Variants in MIDEAS observed in about 807,000 individuals in gnomAD.
The protein encoded by MIDEAS is mitotic deacetylase associated SANT domain protein, also known as mitotic deacetylase-associated SANT domain protein.
In MIDEAS, 26 loss-of-function variants were observed where a neutral mutation model predicts 102.7. That is an observed-to-expected ratio of 0.25 (90% CI 0.19 to 0.35). The LOEUF (loss-of-function observed/expected upper bound fraction) is 0.35. Among genes scored for constraint, MIDEAS ranks in the 10% least tolerant of loss-of-function variants. The pLI is 1.00. For missense variants in MIDEAS, 1,231 were observed against 1,435.6 expected (o/e 0.86, Z 2.30); for synonymous variants, 585 against 591.0 (o/e 0.99, Z 0.15).
At chr14:73,767,707 C>T (rs1233977024) in intron 1 of MIDEAS, among the ~76,000 whole-genome samples, 2 of 152,172 alleles carry the variant, frequency 1.3e-5, no homozygotes, top group Non-Finnish European at 2.9e-5. Context: ...ACCCCTGTGT[C>T]CAGACACCTC....
At chr14:73,767,658 T>C (rs1475645097) in intron 1 of MIDEAS, among the ~76,000 whole-genome samples, 3 of 151,968 alleles carry the variant, frequency 2.0e-5, no homozygotes, top group Non-Finnish European at 4.4e-5. Flanking sequence ...GGAAAAAGGC[T>C]CTCATAAAAT....
intron 10 of MIDEAS, 111 bp from the exon 11 acceptor site, chr14:73,721,620 G>A: frequency 1.1e-6 from 1 of 930,960 alleles, no homozygotes; most frequent in African/African-American, 1.6e-5. Flanking sequence ...CTGCTCGCCT[G>A]GCTGGCCCAG....
At position 73,719,727 on chromosome 14, in the gene MIDEAS, G is replaced by A. The variant is rs1055367290; in HGVS notation, c.2938-226C>T. 2.0e-5 allele frequency among the ~76,000 whole-genome samples: 3 copies of A among 151,720 alleles called. No homozygotes were observed. The East Asian group carries it at 5.9e-4, about 30-fold the overall frequency. ...AAGTTGCTGCTAGAGTAATTCTGTG[G>A]GGCAGCCCGAGCTGCTAGAGGCCTT... On this transcript the variant is annotated intron_variant, in intron 11 of 12. Transcript: ENST00000423556.
In MIDEAS at chr14:73,739,287, G is replaced by GC; in HGVS notation, c.721dup (p.Ala241GlyfsTer32). 1 of 1,611,716 alleles carries GC rather than the reference G, an allele frequency of 6.2e-7. No homozygotes were observed. Among genetic ancestry groups the GC allele is most frequent in the Non-Finnish European group, 8.5e-7 (1 of 1,179,806 alleles). On this transcript the variant is annotated frameshift_variant, in exon 2 of 13. Transcript: ENST00000423556. LOFTEE classifies it high-confidence loss of function. ...CTGCTGCTTCTGTGGAGGGAAGGCA[G>GC]CCACCGGGTTTGGGGGCGGTGGGCC...
At chr14:73,766,934 C>T (rs1744512501) in intron 1 of MIDEAS, among the ~76,000 whole-genome samples, 1 of 148,770 alleles carries the variant, frequency 6.7e-6, no homozygotes. Context: ...CAGCTCACTG[C>T]AACCTCCGAC....
chr14:73,754,557 G>A (rs2140146515), intron 1 of MIDEAS, among the ~76,000 whole-genome samples: 1 of 152,308 alleles, frequency 6.6e-6, no homozygotes, highest in African/African-American at 2.4e-5. Context: ...AGTGAAAGTG[G>A]AGACAGTCTT....
chr14:73,745,233 C>A (rs924811783), intron 1 of MIDEAS, among the ~76,000 whole-genome samples: 1 of 152,138 alleles, frequency 6.6e-6, no homozygotes, highest in Non-Finnish European at 1.5e-5. Context: ...GCCCTCTACA[C>A]CTATGTGGAA....
upstream of MIDEAS, among the ~76,000 whole-genome samples, chr14:73,764,066 G>A (rs1434160015): frequency 6.6e-6 from 1 of 152,102 alleles, no homozygotes; most frequent in East Asian, 1.9e-4. Flanking sequence ...CAGCCCCAGC[G>A]TCATGGCTCA....
chr14:73,764,266 G>C (rs1230858522), upstream of MIDEAS, among the ~76,000 whole-genome samples: 1 of 149,494 alleles, frequency 6.7e-6, no homozygotes, highest in Non-Finnish European at 1.5e-5. Context: ...CTTGAACCCA[G>C]GTGATGGAGG....
chr14:73,719,228 T>TGCCCCCCCCC, intron 12 of MIDEAS, 77 bp downstream of exon 12: 1 of 645,572 alleles, frequency 1.5e-6, no homozygotes, highest in Non-Finnish European at 2.0e-6. Flanking sequence ...CTCTTCCCCC[T>TGCCCCCCCCC]CCCCTCCACC....
chr14:73,783,431 C>T lies in MIDEAS; in HGVS notation c.-248+3671G>A, dbSNP rs116573094. Among the ~76,000 whole-genome samples, 434 of 152,216 alleles carry T rather than the reference C, an allele frequency of 2.9e-3. 3 individuals carry two copies. The highest frequency in any genetic ancestry group is 8.3e-3 in the African/African-American group (344 of 41,530). ...TGGACAAACACACAGAGTGGGTCAC[C>T]GGGTCAGAGCCGAGGGTTAGGACGG... On this transcript the variant is annotated intron_variant, in intron 1 of 11. Transcript: ENST00000394071.
In MIDEAS at chr14:73,739,874, C is replaced by T. The variant is rs1327391371; in HGVS notation, c.135G>A (p.Gln45=). 6.3e-7 allele frequency: 1 copy of T among 1,584,152 alleles called. No individual in the cohort carries two copies. Among genetic ancestry groups the T allele is most frequent in the Non-Finnish European group, 8.6e-7 (1 of 1,162,466 alleles). Residue 45 remains glutamine (Q), a synonymous_variant, in exon 2 of 13, where the codon CAG becomes CAA. Coordinates refer to ENST00000423556, the MANE Select transcript of MIDEAS (RefSeq NM_001367710.1). ...PQQSIRVKEE[Q]YLGHEGPGGA... Reference sequence around the variant, plus strand: ...CTCCTGGACCCTCGTGCCCGAGGTACTGCTCCTCCTTCACTCTGATGGACT... The same window carrying T: ...CTCCTGGACCCTCGTGCCCGAGGTATTGCTCCTCCTTCACTCTGATGGACT...
chr14:73,726,397 G>A (rs772088910), intron 7 of MIDEAS, among the ~76,000 whole-genome samples: 1 of 152,234 alleles, frequency 6.6e-6, no homozygotes, highest in Non-Finnish European at 1.5e-5. Flanking sequence ...AATCAGGGAT[G>A]GGAATGGACA....
chr14:73,731,250 C>T (rs7140655), intron 3 of MIDEAS, among the ~76,000 whole-genome samples: 124,333 of 152,174 alleles, frequency 0.82, 51,447 homozygotes, highest in African/African-American at 0.94. Context: ...GTACTCAGTA[C>T]AACAGGTAAG....
upstream of MIDEAS, chr14:73,787,635 A>C (rs546790294): frequency 6.6e-6 from 1 of 152,342 alleles, no homozygotes; most frequent in East Asian, 1.9e-4. Flanking sequence ...TTGGGGCTAA[A>C]AGGGTCATGT....
intron 1 of MIDEAS, among the ~76,000 whole-genome samples, chr14:73,771,804 A>C (rs1182515307): frequency 2.6e-5 from 4 of 152,230 alleles, no homozygotes; most frequent in African/African-American, 4.8e-5. Context: ...AATATGTGCA[A>C]CAATGTAAGT....
At chr14:73,775,194 A>G (rs1292550036) in intron 1 of MIDEAS, among the ~76,000 whole-genome samples, 3 of 151,946 alleles carry the variant, frequency 2.0e-5, no homozygotes, top group Non-Finnish European at 4.4e-5. Context: ...AAAAAGGGCC[A>G]TGCTAGGGAA....
rs2052878823 is a variant in MIDEAS at position 73,715,865 on chromosome 14, G to C, written c.*2978C>G. On this transcript the variant is annotated 3_prime_UTR_variant, in exon 13 of 13. Transcript: ENST00000423556. ...TGCCAGGGGTGGAGGCGCGGCAGAA[G>C]GGGTGGTATGTACCTTAGCTGTGAG... 1 of 152,584 alleles carries C rather than the reference G, an allele frequency of 6.6e-6. No homozygotes were observed. Among genetic ancestry groups the C allele is most frequent in the African/African-American group, 2.4e-5 (1 of 41,456 alleles). 9.5% of individuals were successfully genotyped at this position (152,584 alleles called of 1,614,324 possible).
At chr14:73,728,799 T>A (rs988270848) in intron 4 of MIDEAS, 7 of 152,284 alleles carry the variant, frequency 4.6e-5, no homozygotes, top group African/African-American at 1.7e-4. Flanking sequence ...TGGCTGCCAG[T>A]CTGATCTCTA....
Sources: gnomAD v4.1 joint callset for allele counts (sites outside exome capture counted in the v4.1 genomes callset) on GRCh38, gnomAD v4.1.1 for gene constraint, MANE v1.5 for transcripts, NCBI Gene and HGNC (gene_info 2026-07-23, HGNC 2026-07-21) for gene names.